ZNF416: variants seen among roughly 807,000 people sequenced by gnomAD.
ZNF416 encodes zinc finger protein 416.
In ZNF416, 5 loss-of-function variants were observed where a neutral mutation model predicts 10.9. That is an observed-to-expected ratio of 0.46 (90% CI 0.24 to 0.97). The LOEUF (loss-of-function observed/expected upper bound fraction) is 0.97, where lower values mean the gene tolerates loss of function less well. Among genes scored for constraint, ZNF416 ranks in the 50% least tolerant of loss-of-function variants. The pLI, the probability that ZNF416 is intolerant of heterozygous loss-of-function variation, is 0.19. For synonymous variants in ZNF416, 267 were observed against 251.8 expected, an observed-to-expected ratio of 1.06 and a Z score of -0.57; for missense variants, 675 against 715.0, an observed-to-expected ratio of 0.94 and a Z score of 0.64.
At position 57,573,018 on chromosome 19, in the gene ZNF416, T is replaced by C. The variant is rs1280666327; in HGVS notation, c.886A>G (p.Arg296Gly). The change falls in exon 4 of 4, where the codon AGG becomes GGG. Residue 296 changes from arginine to glycine, a missense_variant. Transcript: ENST00000196489. ...CCACACTGACCACACACATAAGGCC[T>C]TTCTCCAGTGTGGATTCTCCGATGA... ...NDHRRIHTGE[R>G]PYVCGQCGKS... 1.2e-6 allele frequency: 2 copies of C among 1,614,224 alleles called. No individual in the cohort carries two copies. The highest frequency in any genetic ancestry group is 1.7e-6 in the Non-Finnish European group (2 of 1,180,042).
At position 57,572,480 on chromosome 19, in the gene ZNF416, A is replaced by T. The variant is rs1177528935; in HGVS notation, c.1424T>A (p.Phe475Tyr). 6.2e-7 allele frequency: 1 copy of T among 1,613,870 alleles called. No individual in the cohort carries two copies. The highest frequency in any genetic ancestry group is 8.5e-7 in the Non-Finnish European group (1 of 1,179,988). The change falls in exon 4 of 4, where the codon TTT becomes TAT. Residue 475 changes from phenylalanine to tyrosine, a missense_variant. Phe to Tyr is a conservative substitution (Grantham distance 22). Coordinates refer to ENST00000196489, the MANE Select transcript of ZNF416 (RefSeq NM_017879.3). This position sits in a 1 kb window ranked among gnomAD's most constrained non-coding sequence, Gnocchi z 4.5. Reference sequence around the variant, plus strand: ...CCTAACAAGTTTAGATTTGAACATAAAAGCTTTCCCACATTCCCCACATAC... The same window carrying T: ...CCTAACAAGTTTAGATTTGAACATATAAGCTTTCCCACATTCCCCACATAC... Reference protein sequence around the residue: ...PYVCGECGKAFMFKSKLVRHQ... With the variant: ...PYVCGECGKAYMFKSKLVRHQ...
At position 57,573,197 on chromosome 19, in the gene ZNF416, C is replaced by T. The variant is rs1325074972; in HGVS notation, c.707G>A (p.Cys236Tyr). 1 of 1,614,088 alleles carries T rather than the reference C, an allele frequency of 6.2e-7. No individual in the cohort carries two copies. The highest frequency in any genetic ancestry group is 1.3e-5 in the African/African-American group (1 of 74,922). Residue 236 changes from cysteine (C) to tyrosine (Y), a missense_variant, in exon 4 of 4, where the codon TGC (cysteine) becomes TAC (tyrosine). Transcript: ENST00000196489. ...AGATTCATAAAGCCTTTTTCCAGTG[C>T]AGACTCTAGGGTGAAAAAAAGTGTG... is the stretch of plus-strand genomic sequence containing the variant. ...HKHTFFHPRV[C>Y]TGKRLYESSK... is the part of the protein sequence containing the mutation.
rs1978505357 is a variant in ZNF416 at position 57,575,701 on chromosome 19, G to C, written c.202+103C>G. 2 of 1,481,798 alleles carry C rather than the reference G, an allele frequency of 1.3e-6. No homozygotes were observed. Among genetic ancestry groups the C allele is most frequent in the Admixed American group, 3.4e-5 (2 of 59,518 alleles). The allele number at this position is 1,481,798 out of a possible 1,614,324, so 91.8% of individuals were successfully genotyped here. ...CCTTACACCACAGCACATACGCCAA[G>C]ACAGTGGGGAAGTCAGCAAAGCCCA... On this transcript the variant is annotated intron_variant, in intron 3 of 3. Transcript: ENST00000196489. This position sits in a 1 kb window ranked among gnomAD's most constrained non-coding sequence, Gnocchi z 4.4.
intron 2 of ZNF416, among the ~76,000 whole-genome samples, chr19:57,576,237 A>G (rs1978530592): frequency 6.6e-6 from 1 of 152,094 alleles, no homozygotes; most frequent in South Asian, 2.1e-4. Flanking sequence ...ACTCACATAC[A>G]AACAATGATG....
rs1350547468 is a variant in ZNF416, at chr19:57,575,510, T to G, written c.202+294A>C. Among the ~76,000 whole-genome samples the G allele has an allele frequency of 6.6e-6, 1 of 152,132 alleles. No homozygotes were observed. The highest frequency in any genetic ancestry group is 2.1e-4 in the South Asian group (1 of 4,816). ...GGAAATGTCATCTAGGAGGCAGAAT[T>G]TGAGACACAAAGTACCATGAATATG... On this transcript the variant is annotated intron_variant, in intron 3 of 3. Coordinates refer to ENST00000196489, the MANE Select transcript of ZNF416 (RefSeq NM_017879.3). This position sits in a 1 kb window ranked among gnomAD's most constrained non-coding sequence, Gnocchi z 4.4.
chr19:57,578,714 A>AGCGGAGCGGGGCCGGGAGCGGCGG lies in ZNF416; in HGVS notation c.-34_-11dup. On this transcript the variant is annotated 5_prime_UTR_variant, in exon 1 of 4. Transcript: ENST00000196489. ...GCACGGCCGCCGCCATCGGATTGTG[A>AGCGGAGCGGGGCCGGGAGCGGCGG]GCGGAGCGGGGCCGGGAGCGGCGGG... 1.3e-6 allele frequency: 2 copies of AGCGGAGCGGGGCCGGGAGCGGCGG among 1,526,556 alleles called. No homozygotes were observed. The highest frequency in any genetic ancestry group is 3.5e-4 in the Middle Eastern group (2 of 5,690). The allele number at this position is 1,526,556 out of a possible 1,614,324, so 94.6% of individuals were successfully genotyped here.
Position 57,575,920 on chromosome 19 carries a change from G to A in ZNF416, c.86C>T (p.Thr29Ile). Residue 29 changes from threonine (T) to isoleucine (I), a missense_variant, in exon 3 of 4, where the codon ACC (threonine) becomes ATC (isoleucine). Thr to Ile is a moderately conservative substitution (Grantham distance 89). Coordinates refer to ENST00000196489, the MANE Select transcript of ZNF416 (RefSeq NM_017879.3). The surrounding 1 kb of genome is among the most constrained non-coding windows in gnomAD (Gnocchi z 4.4). ...KLMGFTQGCVTFEDVAIYFSQ... is the reference protein window; with the variant it reads ...KLMGFTQGCVIFEDVAIYFSQ... ...GAAGTAAATGGCCACGTCCTCAAAG[G>A]TCACACAGCCCTGCCATGATGGGGA... 1.2e-6 allele frequency: 2 copies of A among 1,613,842 alleles called. No individual in the cohort carries two copies. The highest frequency in any genetic ancestry group is 1.7e-6 in the Non-Finnish European group (2 of 1,179,902).
At position 57,572,254 on chromosome 19, in the gene ZNF416, A is replaced by G. The variant is rs758744566; in HGVS notation, c.1650T>C (p.Tyr550=). The change falls in exon 4 of 4, where the codon TAT becomes TAC. Residue 550 remains tyrosine (Y), a synonymous_variant. Transcript: ENST00000196489. The surrounding 1 kb of genome is among the most constrained non-coding windows in gnomAD (Gnocchi z 4.5). ...AGGACTTCCCACATTTGCCACACTCATATGGCCTTTCTCCTGTGTGAACCA... is the reference window on the plus strand; with the variant it reads ...AGGACTTCCCACATTTGCCACACTCGTATGGCCTTTCTCCTGTGTGAACCA... ...HQVVHTGERP[Y]ECGKCGKSFT... is the part of the protein sequence containing the mutation. The G allele has an allele frequency of 6.2e-6, 10 of 1,614,114 alleles. No homozygotes were observed. Among genetic ancestry groups the G allele is most frequent in the South Asian group, 1.1e-5 (1 of 91,092 alleles).
At position 57,572,582 on chromosome 19, in the gene ZNF416, TCA is replaced by T; in HGVS notation, c.1320_1321del (p.Cys440Ter). The T allele has an allele frequency of 6.2e-7, 1 of 1,613,996 alleles. No individual in the cohort carries two copies. Among genetic ancestry groups the T allele is most frequent in the Non-Finnish European group, 8.5e-7 (1 of 1,180,000 alleles). ...TTGGCTAAAGGATTTTCCGCACTCA[TCA>T]CACTCAAAGGGCCTAGCTCCACTGT... On this transcript the variant is annotated stop_gained and frameshift_variant, in exon 4 of 4. Transcript: ENST00000196489. LOFTEE classifies it low-confidence loss of function (END_TRUNC). This position sits in a 1 kb window ranked among gnomAD's most constrained non-coding sequence, Gnocchi z 4.5.
Position 57,572,053 on chromosome 19 carries a change from A to G in ZNF416, c.*66T>C, listed in dbSNP as rs2090195920. ...CACAAAGGCTCTCTATAGCCATAACACTGAAGAAAGACATGGCACATTCCC... is the reference window on the plus strand; with the variant it reads ...CACAAAGGCTCTCTATAGCCATAACGCTGAAGAAAGACATGGCACATTCCC... On this transcript the variant is annotated 3_prime_UTR_variant, in exon 4 of 4. Transcript: ENST00000196489. The surrounding 1 kb of genome is among the most constrained non-coding windows in gnomAD (Gnocchi z 4.5). 1 of 1,551,540 alleles carries G rather than the reference A, an allele frequency of 6.4e-7. No homozygotes were observed. The highest frequency in any genetic ancestry group is 8.7e-7 in the Non-Finnish European group (1 of 1,146,744).
chr19:57,575,846 G>A lies in ZNF416; in HGVS notation c.160C>T (p.Arg54Cys), dbSNP rs965775750. The A allele has an allele frequency of 9.9e-6, 16 of 1,613,956 alleles. No homozygotes were observed. Among genetic ancestry groups the A allele is most frequent in the South Asian group, 4.4e-5 (4 of 91,078 alleles). ...GCAAAGTTCTCCAGCATCACATCGC[G>A]GTACAGGAGCCTCTGAGCCTCATCA... is the stretch of plus-strand genomic sequence containing the variant. ...LLDEAQRLLYRDVMLENFALI... is the reference protein window; with the variant it reads ...LLDEAQRLLYCDVMLENFALI... The change falls in exon 3 of 4, where the codon CGC (arginine) becomes TGC (cysteine). Residue 54 changes from arginine (R) to cysteine (C), a missense_variant. Coordinates refer to ENST00000196489, the MANE Select transcript of ZNF416 (RefSeq NM_017879.3). This position sits in a 1 kb window ranked among gnomAD's most constrained non-coding sequence, Gnocchi z 4.4.
chr19:57,572,505 C>T lies in ZNF416; in HGVS notation c.1399G>A (p.Val467Ile). ...HKVHTAERPY[V>I]CGECGKAFMF... ...AAAGCTTTCCCACATTCCCCACATA[C>T]ATAAGGCCTTTCTGCAGTGTGAACT... Residue 467 changes from valine (V) to isoleucine (I), a missense_variant, in exon 4 of 4, where the codon GTA becomes ATA. Val to Ile is a conservative substitution (Grantham distance 29). Coordinates refer to ENST00000196489, the MANE Select transcript of ZNF416 (RefSeq NM_017879.3). This position sits in a 1 kb window ranked among gnomAD's most constrained non-coding sequence, Gnocchi z 4.5. 4 of 1,614,044 alleles carry T rather than the reference C, an allele frequency of 2.5e-6. No individual in the cohort carries two copies. The highest frequency in any genetic ancestry group is 1.1e-5 in the South Asian group (1 of 91,080).
At position 57,572,809 on chromosome 19, in the gene ZNF416, G is replaced by C. The variant is rs1978348648; in HGVS notation, c.1095C>G (p.Ser365=). The C allele has an allele frequency of 6.2e-7, 1 of 1,613,442 alleles. No homozygotes were observed. The part of the protein sequence containing the change: ...ECDECGKAFG[S]KSTLVRHQRT... The stretch of plus-strand genomic sequence containing the variant: ...TCTGGTGTCGAACAAGAGTGGATTT[G>C]GACCCAAAGGCTTTTCCACATTCAT... Residue 365 remains serine, a synonymous_variant, in exon 4 of 4, where the codon TCC becomes TCG. Transcript: ENST00000196489. The surrounding 1 kb of genome is among the most constrained non-coding windows in gnomAD (Gnocchi z 4.5).
In ZNF416 at chr19:57,571,981, C is replaced by G. The variant is rs1300223624; in HGVS notation, c.*138G>C. 5 of 1,112,104 alleles carry G rather than the reference C, an allele frequency of 4.5e-6. No individual in the cohort carries two copies. The highest frequency in any genetic ancestry group is 6.4e-6 in the Non-Finnish European group (5 of 776,500). The allele number at this position is 1,112,104 out of a possible 1,614,324, so 68.9% of individuals were successfully genotyped here. ...TGGAACTAATGGGAGTCTGACCCAT[C>G]GGGAGGTCTAGAAGTATGAGGTTTA... is the stretch of plus-strand genomic sequence containing the variant. On this transcript the variant is annotated 3_prime_UTR_variant, in exon 4 of 4. Transcript: ENST00000196489.
In ZNF416 at chr19:57,571,783, G is replaced by A. The variant is rs2090194297; in HGVS notation, c.*336C>T. 1 of 238,682 alleles carries A rather than the reference G, an allele frequency of 4.2e-6. No homozygotes were observed. Among genetic ancestry groups the A allele is most frequent in the Non-Finnish European group, 8.2e-6 (1 of 121,462 alleles). 14.8% of individuals were successfully genotyped at this position (238,682 alleles called of 1,614,324 possible). ...TGTATGCTGTAATCAGTCAGAAAAG[G>A]GAAGGAATTCCCCTTAAAGGCTCAG... is the stretch of plus-strand genomic sequence containing the variant. On this transcript the variant is annotated 3_prime_UTR_variant, in exon 4 of 4. Transcript: ENST00000196489.
chr19:57,578,333 A>C (rs1439846602), intron 1 of ZNF416: 3 of 597,208 alleles, frequency 5.0e-6, no homozygotes, highest in Non-Finnish European at 8.9e-6. Context: ...GAGTAACTTT[A>C]GAAAAAATTT....
At chr19:57,576,318 T>C (rs1041577181) in intron 2 of ZNF416, among the ~76,000 whole-genome samples, 52 of 152,118 alleles carry the variant, frequency 3.4e-4, no homozygotes, top group African/African-American at 1.2e-3. Flanking sequence ...CCTCTCCATA[T>C]GCACATCACT....
At position 57,578,655 on chromosome 19, in the gene ZNF416, G is replaced by A. The variant is rs1978641254; in HGVS notation, c.33+17C>T. The A allele has an allele frequency of 6.5e-7, 1 of 1,549,294 alleles. No individual in the cohort carries two copies. Among genetic ancestry groups the A allele is most frequent in the Non-Finnish European group, 8.7e-7 (1 of 1,149,070 alleles). ...CGGCGGAGAGGGCAGGTGAGGCCCG[G>A]GAGACGCAGCACTCACCGAAGTCGA... On this transcript the variant is annotated intron_variant, in intron 1 of 3. Coordinates refer to ENST00000196489, the MANE Select transcript of ZNF416 (RefSeq NM_017879.3).
Position 57,572,234 on chromosome 19 carries a change from T to C in ZNF416, c.1670A>G (p.Lys557Arg), listed in dbSNP as rs894580897. The C allele has an allele frequency of 1.2e-6, 2 of 1,614,248 alleles. No homozygotes were observed. Among genetic ancestry groups the C allele is most frequent in the Non-Finnish European group, 1.7e-6 (2 of 1,180,050 alleles). ...GAGGCCAGAGTGTTGTGTAAAGGACTTCCCACATTTGCCACACTCATATGG... is the reference window on the plus strand; with the variant it reads ...GAGGCCAGAGTGTTGTGTAAAGGACCTCCCACATTTGCCACACTCATATGG... ...ERPYECGKCG[K>R]SFTQHSGLIL... The change falls in exon 4 of 4, where the codon AAG (lysine) becomes AGG (arginine). Residue 557 changes from lysine to arginine, a missense_variant. Transcript: ENST00000196489. This position sits in a 1 kb window ranked among gnomAD's most constrained non-coding sequence, Gnocchi z 4.5.
Sources: allele counts gnomAD v4.1 joint callset (sites outside exome capture counted in the v4.1 genomes callset), GRCh38; gene constraint gnomAD v4.1.1; non-coding constraint Gnocchi (gnomAD v3.1); transcripts MANE v1.5; gene names NCBI Gene and HGNC (gene_info 2026-07-23, HGNC 2026-07-21).